The following SPTSSA variants were observed in gnomAD, a reference collection of about 807,000 sequenced individuals.
SPTSSA encodes the protein serine palmitoyltransferase small subunit A, also known as small subunit of serine palmitoyltransferase A.
In SPTSSA, 8 loss-of-function variants were observed where a neutral mutation model predicts 9.1. The observed-to-expected ratio is 0.88, with a 90% CI of 0.51 to 1.58. The LOEUF (loss-of-function observed/expected upper bound fraction) is 1.58. SPTSSA is among the 40% of genes most tolerant of loss of function. The probability of loss-of-function intolerance (pLI) is 0.00; values close to 1 mark genes in which losing one functional copy is unlikely to be tolerated. For missense variants in SPTSSA, 100 were observed against 93.8 expected (o/e 1.07, Z -0.27); for synonymous variants, 42 against 37.7 (o/e 1.11, Z -0.41).
At chr14:34,445,582 CCAAAAT>C (rs1883406795) in intron 1 of SPTSSA, among the ~76,000 whole-genome samples, 1 of 152,106 alleles carries the variant, frequency 6.6e-6, no homozygotes, top group South Asian at 2.1e-4. Context: ...ATCTGGAATT[CCAAAAT>C]CAAACTTCAG....
chr14:34,441,704 C>T (rs1216732047), intron 1 of SPTSSA, among the ~76,000 whole-genome samples: 1 of 152,054 alleles, frequency 6.6e-6, no homozygotes, highest in African/African-American at 2.4e-5. Context: ...ACCCAGGACC[C>T]ATGTGGGTAG....
intron 1 of SPTSSA, among the ~76,000 whole-genome samples, chr14:34,459,779 TCACA>T (rs112310300): frequency 1.3e-5 from 2 of 151,624 alleles, no homozygotes. Context: ...AAACACTGTC[TCACA>T]CACACACACA....
rs1883206805 is a variant in SPTSSA, at chr14:34,434,395, G to C, written c.*806C>G. The stretch of plus-strand genomic sequence containing the variant: ...TAAACTAAATTTAAGGAAGTACATT[G>C]TTAATAGTGACCCTCGGAGGAAATG... On this transcript the variant is annotated 3_prime_UTR_variant, in exon 2 of 2. Transcript: ENST00000298130. 1.3e-5 allele frequency: 2 copies of C among 152,604 alleles called. No individual in the cohort carries two copies. Among genetic ancestry groups the C allele is most frequent in the Non-Finnish European group, 2.9e-5 (2 of 68,038 alleles). 9.5% of individuals were successfully genotyped at this position (152,604 alleles called of 1,614,324 possible). A position where few individuals can be genotyped will look rare whatever the true frequency, so the allele number is the denominator to read the frequency against.
intron 1 of SPTSSA, among the ~76,000 whole-genome samples, chr14:34,438,052 C>A (rs1036181222): frequency 6.6e-6 from 1 of 152,162 alleles, no homozygotes; most frequent in Non-Finnish European, 1.5e-5. Context: ...ATCCTCCCAC[C>A]TCAGCCCCCC....
At chr14:34,457,730 G>C (rs536337212) in intron 1 of SPTSSA, among the ~76,000 whole-genome samples, 1 of 152,144 alleles carries the variant, frequency 6.6e-6, no homozygotes, top group South Asian at 2.1e-4. Flanking sequence ...CCAGCACTTC[G>C]GGAAGCTGAA....
intron 1 of SPTSSA, among the ~76,000 whole-genome samples, chr14:34,452,356 CAAT>C (rs1883545612): frequency 6.6e-6 from 1 of 151,800 alleles, no homozygotes; most frequent in African/African-American, 2.4e-5. Context: ...TATACTGTCA[CAAT>C]ATTATACTGT....
chr14:34,457,982 AAAAAAAAAC>A (rs1272021130), intron 1 of SPTSSA, among the ~76,000 whole-genome samples: 4 of 149,466 alleles, frequency 2.7e-5, no homozygotes, highest in Admixed American at 1.3e-4. Context: ...AAAAAAAAAA[AAAAAAAAAC>A]AAAGAAAAGA....
intron 1 of SPTSSA, among the ~76,000 whole-genome samples, chr14:34,459,455 T>G (rs149922210): frequency 8.0e-6 from 1 of 125,418 alleles, no homozygotes; most frequent in African/African-American, 3.2e-5. Flanking sequence ...CGAGACACCG[T>G]CTCAAAAAAA....
At chr14:34,443,673 T>C (rs1046378115) in intron 1 of SPTSSA, among the ~76,000 whole-genome samples, 6 of 152,102 alleles carry the variant, frequency 3.9e-5, no homozygotes, top group East Asian at 3.9e-4. Context: ...GTAGCTGGGA[T>C]TACAGGTGCC....
intron 1 of SPTSSA, among the ~76,000 whole-genome samples, chr14:34,456,449 C>T (rs1878471456): frequency 6.6e-6 from 1 of 152,196 alleles, no homozygotes; most frequent in Non-Finnish European, 1.5e-5. Context: ...GACACATGAA[C>T]TGTCTTTCAG....
At chr14:34,455,243 A>T (rs1883596815) in intron 1 of SPTSSA, among the ~76,000 whole-genome samples, 1 of 148,578 alleles carries the variant, frequency 6.7e-6, no homozygotes, top group African/African-American at 2.5e-5. Context: ...AAAAATCAAC[A>T]GGGTATGGCG....
In SPTSSA at chr14:34,434,609, C is replaced by T. The variant is rs193187514; in HGVS notation, c.*592G>A. On this transcript the variant is annotated 3_prime_UTR_variant, in exon 2 of 2. Coordinates refer to ENST00000298130, the MANE Select transcript of SPTSSA (RefSeq NM_138288.4). ...ATCTTTTCTTTTTCATTAAGAAACA[C>T]TTTAATAATTTTAAAGCAAAAGCTG... 5.2e-5 allele frequency: 8 copies of T among 152,692 alleles called. No individual in the cohort carries two copies. The East Asian group carries it at 1.5e-3, about 29-fold the overall frequency. 9.5% of individuals were successfully genotyped at this position (152,692 alleles called of 1,614,324 possible). A position where few individuals can be genotyped will look rare whatever the true frequency, so the allele number is the denominator to read the frequency against.
intron 1 of SPTSSA, among the ~76,000 whole-genome samples, chr14:34,453,053 A>G (rs1883555485): frequency 6.6e-6 from 1 of 152,146 alleles, no homozygotes; most frequent in Non-Finnish European, 1.5e-5. Context: ...TTACGTTACT[A>G]TAAGAATACA....
Position 34,435,321 on chromosome 14 carries a change from G to T in SPTSSA, c.113-17C>A. On this transcript the variant is annotated splice_polypyrimidine_tract_variant and intron_variant, in intron 1 of 1. Coordinates refer to ENST00000298130, the MANE Select transcript of SPTSSA (RefSeq NM_138288.4). ...GCATGGAATCTGAGTTGTAGTTAAG[G>T]AAACTTATTATTATTAATTTATTCA... The T allele has an allele frequency of 6.4e-7, 1 of 1,564,378 alleles. No homozygotes were observed. The highest frequency in any genetic ancestry group is 8.8e-7 in the Non-Finnish European group (1 of 1,139,426).
chr14:34,452,431 A>C (rs1254612559), intron 1 of SPTSSA, among the ~76,000 whole-genome samples: 2 of 152,194 alleles, frequency 1.3e-5, no homozygotes. Context: ...ATAGCACATC[A>C]CCATCAGAAA....
chr14:34,457,238 A>G (rs1457278183), intron 1 of SPTSSA, among the ~76,000 whole-genome samples: 1 of 152,030 alleles, frequency 6.6e-6, no homozygotes, highest in African/African-American at 2.4e-5. Context: ...TCAGCCTCCC[A>G]AAGTTGATTC....
At chr14:34,458,663 ATTTTTTTTT>A (rs35426259) in intron 1 of SPTSSA, among the ~76,000 whole-genome samples, 3 of 89,620 alleles carry the variant, frequency 3.3e-5, no homozygotes, top group African/African-American at 1.0e-4. Context: ...CACTCAGCTA[ATTTTTTTTT>A]TTTTTTTTTT....
At chr14:34,451,634 A>G (rs977643637) in intron 1 of SPTSSA, among the ~76,000 whole-genome samples, 3 of 151,552 alleles carry the variant, frequency 2.0e-5, no homozygotes, top group South Asian at 2.1e-4. Context: ...GAGGCAGGAG[A>G]ATGGCGTGAA....
chr14:34,436,799 C>T (rs990265204), intron 1 of SPTSSA, among the ~76,000 whole-genome samples: 3 of 152,162 alleles, frequency 2.0e-5, no homozygotes, highest in African/African-American at 7.2e-5. Context: ...CTGCCTGACT[C>T]AAGCCATAAA....
Sources: gnomAD v4.1 joint callset for allele counts (sites outside exome capture counted in the v4.1 genomes callset) on GRCh38, gnomAD v4.1.1 for gene constraint, MANE v1.5 for transcripts, NCBI Gene and HGNC (gene_info 2026-07-23, HGNC 2026-07-21) for gene names.